Variants in OTUD7B observed in about 807,000 individuals in gnomAD.
OTUD7B encodes OTU deubiquitinase 7B.
OTUD7B carries 34 observed loss-of-function variants against 82.2 expected under a neutral mutation model. That is an observed-to-expected ratio of 0.41 (90% CI 0.31 to 0.55). OTUD7B has a LOEUF of 0.55. Ranked by LOEUF, OTUD7B falls within the 20% of genes least tolerant of loss-of-function variation. The pLI, the probability that OTUD7B is intolerant of heterozygous loss-of-function variation, is 0.20. For synonymous variants in OTUD7B, 398 were observed against 402.7 expected, an observed-to-expected ratio of 0.99 and a Z score of 0.14; for missense variants, 944 against 1,062.1, an observed-to-expected ratio of 0.89 and a Z score of 1.55.
the OTUD7B span, among the ~76,000 whole-genome samples, chr1:150,032,261 G>A: frequency 6.7e-6 from 1 of 148,812 alleles, no homozygotes. Flanking sequence ...GCAGTGAGCC[G>A]AAATCCCGCC....
the OTUD7B span, among the ~76,000 whole-genome samples, chr1:150,066,610 G>A: frequency 2.0e-5 from 3 of 152,096 alleles, no homozygotes; most frequent in African/African-American, 7.2e-5. The surrounding 1 kb of genome is among the most constrained non-coding windows in gnomAD (Gnocchi z 4.6). Flanking sequence ...TATAATGAAA[G>A]AATTTATTTG....
In OTUD7B at chr1:149,944,308, C is replaced by A; in HGVS notation, c.2081G>T (p.Gly694Val). The change falls in exon 12 of 12, where the codon GGG becomes GTG. Residue 694 changes from glycine (G) to valine (V), a missense_variant. Gly to Val is a moderately radical substitution (Grantham distance 109). Coordinates refer to ENST00000581312, the MANE Select transcript of OTUD7B (RefSeq NM_020205.4). ...AGACGGCCGAGGGATAGTAAAGTCC[C>A]CAGGGTAGCCAGTGGAAAATGCCAT... ...RAMAFSTGYP[G>V]DFTIPRPSGG... 6.2e-7 allele frequency: 1 copy of A among 1,610,848 alleles called. No homozygotes were observed. Among genetic ancestry groups the A allele is most frequent in the Non-Finnish European group, 8.5e-7 (1 of 1,177,938 alleles).
intron 2 of OTUD7B, among the ~76,000 whole-genome samples, chr1:149,973,521 T>C (rs935536970): frequency 6.6e-6 from 1 of 152,268 alleles, no homozygotes. Flanking sequence ...AGTCTTGCTG[T>C]GTCGCCCAGG....
At position 150,004,856 on chromosome 1, in the gene OTUD7B, T is replaced by C. The variant is rs911366101; in HGVS notation, c.-67+5592A>G. Among the ~76,000 whole-genome samples, 5 of 152,096 alleles carry C rather than the reference T, an allele frequency of 3.3e-5. No homozygotes were observed. The South Asian group carries it at 6.2e-4, about 19-fold the overall frequency. On this transcript the variant is annotated intron_variant, in intron 1 of 11. Transcript: ENST00000581312. ...CTTGTACCTAATACAATAACACTTA[T>C]TCATTTATTTTTTTATTTATTTTGG...
rs193288230 is a variant in OTUD7B at position 149,980,370 on chromosome 1, T to G, written c.-66-2794A>C. Among the ~76,000 whole-genome samples, 105 of 152,096 alleles carry G rather than the reference T, an allele frequency of 6.9e-4. 2 individuals carry two copies. The highest frequency in any genetic ancestry group is 2.5e-3 in the African/African-American group (104 of 41,496). On this transcript the variant is annotated intron_variant, in intron 1 of 11. Coordinates refer to ENST00000581312, the MANE Select transcript of OTUD7B (RefSeq NM_020205.4). ...ACAACAGCTTTTGTTACATCACCAC[T>G]AATACCTTGCTTAAGCTTTTCAAAT...
chr1:150,045,741 A>C, the OTUD7B span, among the ~76,000 whole-genome samples: 4 of 152,200 alleles, frequency 2.6e-5, no homozygotes, highest in East Asian at 7.7e-4. Context: ...TTGCATGATC[A>C]GTATGTTACA....
intron 7 of OTUD7B, among the ~76,000 whole-genome samples, chr1:149,952,282 G>A (rs782577288): frequency 2.8e-5 from 4 of 143,390 alleles, no homozygotes; most frequent in Non-Finnish European, 6.0e-5. Context: ...TCCCACCTAT[G>A]AGGGAGAACA....
At position 149,943,892 on chromosome 1, in the gene OTUD7B, C is replaced by T. The variant is rs782776840; in HGVS notation, c.2497G>A (p.Glu833Lys). The T allele has an allele frequency of 1.2e-5, 20 of 1,614,118 alleles. No homozygotes were observed. The African/African-American group carries it at 2.0e-4, about 16-fold the overall frequency. The change falls in exon 12 of 12, where the codon GAA becomes AAA. Residue 833 changes from glutamate (E) to lysine (K), a missense_variant. Physicochemically the swap from Glu to Lys is moderately conservative, Grantham distance 56. This residue lies in a region of OTUD7B where 412 missense variants were observed against 418.7 expected (regional missense o/e 0.98). Transcript: ENST00000581312. Reference protein sequence around the residue: ...YREELRRREREPDGELLVHRF With the variant: ...YREELRRRERKPDGELLVHRF ...TGCACCAGGAGCTCCCCATCCGGTT[C>T]CCGCTCCCTCCTCCTCAGTTCTTCC...
the OTUD7B span, among the ~76,000 whole-genome samples, chr1:150,036,452 G>GT: frequency 1.3e-5 from 2 of 151,792 alleles, no homozygotes; most frequent in African/African-American, 4.8e-5. Context: ...TAGAGATGGG[G>GT]TTTTGTCATG....
At chr1:150,043,322 G>A in the OTUD7B span, among the ~76,000 whole-genome samples, 1 of 152,060 alleles carries the variant, frequency 6.6e-6, no homozygotes, top group Non-Finnish European at 1.5e-5. Flanking sequence ...GTCATATAAA[G>A]AATTTTAAAG....
At chr1:150,047,168 C>A in the OTUD7B span, among the ~76,000 whole-genome samples, 2 of 152,200 alleles carry the variant, frequency 1.3e-5, no homozygotes, top group Admixed American at 6.5e-5. Flanking sequence ...ACCCTGGCTG[C>A]TTTGCTGTCT....
the OTUD7B span, among the ~76,000 whole-genome samples, chr1:150,024,822 C>A: frequency 2.0e-5 from 3 of 150,884 alleles, no homozygotes; most frequent in Non-Finnish European, 4.4e-5. Flanking sequence ...CCAAGGCGGG[C>A]GGATCTCTTG....
In OTUD7B at chr1:149,941,818, T is replaced by C. The variant is rs1325054850; in HGVS notation, c.*2039A>G. On this transcript the variant is annotated 3_prime_UTR_variant, in exon 12 of 12. Transcript: ENST00000581312. ...ATAGTATCTTGATTAATGAGTTTTA[T>C]AGTAACCCTTAAATTTTGCAACTTA... is the stretch of plus-strand genomic sequence containing the variant. The C allele has an allele frequency of 6.6e-6, 1 of 152,196 alleles. No individual in the cohort carries two copies. The highest frequency in any genetic ancestry group is 1.5e-5 in the Non-Finnish European group (1 of 68,030). The allele number at this position is 152,196 out of a possible 1,614,324, so 9.4% of individuals were successfully genotyped here.
the OTUD7B span, among the ~76,000 whole-genome samples, chr1:150,035,963 T>TTG: frequency 6.6e-6 from 1 of 151,056 alleles, no homozygotes; most frequent in East Asian, 1.9e-4. Context: ...AACTGTTTTT[T>TTG]TTTTTTTTTT....
rs1647350556 is a variant in OTUD7B at position 149,942,861 on chromosome 1, A to G, written c.*996T>C. 1 of 152,586 alleles carries G rather than the reference A, an allele frequency of 6.6e-6. No homozygotes were observed. The highest frequency in any genetic ancestry group is 1.5e-5 in the Non-Finnish European group (1 of 68,018). 9.5% of individuals were successfully genotyped at this position (152,586 alleles called of 1,614,324 possible). The stretch of plus-strand genomic sequence containing the variant: ...TTCCTTAAAAAAAAAAGTCAATAAA[A>G]TAAGTTGCTTTCTACAGAAACGCAG... On this transcript the variant is annotated 3_prime_UTR_variant, in exon 12 of 12. Transcript: ENST00000581312.
At chr1:149,957,097 T>C (rs1553774727) in intron 7 of OTUD7B, among the ~76,000 whole-genome samples, 1 of 152,220 alleles carries the variant, frequency 6.6e-6, no homozygotes, top group African/African-American at 2.4e-5. Flanking sequence ...CTGCGTTCCT[T>C]TGGAGGAGAA....
chr1:150,042,415 C>A, the OTUD7B span, among the ~76,000 whole-genome samples: 1 of 151,780 alleles, frequency 6.6e-6, no homozygotes, highest in Non-Finnish European at 1.5e-5. Context: ...TCAGGTGATC[C>A]GCCCCCGCTC....
intron 2 of OTUD7B, 140 bp downstream of exon 2, chr1:149,977,286 C>A: frequency 1.6e-6 from 1 of 611,574 alleles, no homozygotes; most frequent in Non-Finnish European, 2.9e-6. Context: ...GGGTTATACA[C>A]AAAGTATATC....
Position 149,977,541 on chromosome 1 carries a change from T to C in OTUD7B, c.-31A>G, listed in dbSNP as rs782550808. On this transcript the variant is annotated 5_prime_UTR_variant, in exon 2 of 12. Coordinates refer to ENST00000581312, the MANE Select transcript of OTUD7B (RefSeq NM_020205.4). Reference sequence around the variant, plus strand: ...CCTCAAGTACTTTCAGCCAGCTGGATGTAGGTAGAACATAGATCAAAATTC... The same window carrying C: ...CCTCAAGTACTTTCAGCCAGCTGGACGTAGGTAGAACATAGATCAAAATTC... The C allele has an allele frequency of 6.5e-7, 1 of 1,543,844 alleles. No homozygotes were observed. The highest frequency in any genetic ancestry group is 1.7e-5 in the Admixed American group (1 of 59,918).
Sources: allele counts gnomAD v4.1 joint callset (sites outside exome capture counted in the v4.1 genomes callset), GRCh38; gene constraint gnomAD v4.1.1; regional missense constraint gnomAD v4.1.1; non-coding constraint Gnocchi (gnomAD v3.1); transcripts MANE v1.5; gene names NCBI Gene and HGNC (gene_info 2026-07-23, HGNC 2026-07-21).